Variants in SLC38A6 observed in about 807,000 individuals in gnomAD.
The protein encoded by SLC38A6 is solute carrier family 38 member 6.
Under a neutral mutation model 65.0 loss-of-function variants are expected in SLC38A6, and 73 were observed. The ratio of observed to expected loss-of-function variants is 1.12; its 90% CI spans 0.93 to 1.37. The LOEUF (loss-of-function observed/expected upper bound fraction) is 1.37, where lower values mean the gene tolerates loss of function less well. Ranked by LOEUF, SLC38A6 falls within the 40% of genes most tolerant of loss-of-function variation. The probability of loss-of-function intolerance (pLI) is 0.00; values close to 1 mark genes in which losing one functional copy is unlikely to be tolerated. For missense variants in SLC38A6, 561 were observed against 531.1 expected (o/e 1.06, Z -0.55); for synonymous variants, 183 against 178.8 (o/e 1.02, Z -0.19).
chr14:61,015,074 C>A (rs1211711896), intron 3 of SLC38A6, among the ~76,000 whole-genome samples: 1 of 152,204 alleles, frequency 6.6e-6, no homozygotes, highest in African/African-American at 2.4e-5. Flanking sequence ...ATTGAAGCCT[C>A]GGCAATGGCA....
intron 3 of SLC38A6, among the ~76,000 whole-genome samples, chr14:61,009,064 C>T (rs558331942): frequency 3.3e-5 from 5 of 152,190 alleles, no homozygotes; most frequent in East Asian, 1.9e-4. Flanking sequence ...AGACCATAAG[C>T]GTTCAAAAGT....
chr14:61,047,164 C>CA (rs1172485845), intron 12 of SLC38A6, among the ~76,000 whole-genome samples: 3 of 152,004 alleles, frequency 2.0e-5, no homozygotes, highest in Admixed American at 2.0e-4. Flanking sequence ...AGAAAAAGTC[C>CA]AAAAAAACTG....
intron 15 of SLC38A6, among the ~76,000 whole-genome samples, chr14:61,063,169 G>A (rs2042912858): frequency 6.6e-6 from 1 of 152,084 alleles, no homozygotes. Context: ...TTGATTCTTA[G>A]CTATGTTTTA....
exon 17 of SLC38A6, chr14:61,083,631 C>T (rs538691271): frequency 6.4e-7 from 1 of 1,550,440 alleles, no homozygotes; most frequent in South Asian, 1.2e-5. Flanking sequence ...GTTTACAAGC[C>T]AAGGGAAGAG....
chr14:61,024,751 AT>A (rs2040519349), intron 5 of SLC38A6, among the ~76,000 whole-genome samples: 1 of 152,198 alleles, frequency 6.6e-6, no homozygotes, highest in Non-Finnish European at 1.5e-5. Flanking sequence ...CTACATCCCA[AT>A]CATCTTCTTA....
intron 4 of SLC38A6, among the ~76,000 whole-genome samples, chr14:61,017,508 A>G (rs985122440): frequency 2.0e-5 from 3 of 152,174 alleles, no homozygotes; most frequent in East Asian, 1.9e-4. Flanking sequence ...GAGGATTAGG[A>G]TGTTTGGTGT....
chr14:61,052,281 C>A (rs923791869), intron 15 of SLC38A6, 68 bp from the exon 16 acceptor site: 59 of 1,364,302 alleles, frequency 4.3e-5, no homozygotes, highest in Middle Eastern at 4.4e-4. Flanking sequence ...AACAAATAAT[C>A]CAATTGTATT....
At chr14:61,036,422 A>G (rs1196799758) in intron 6 of SLC38A6, among the ~76,000 whole-genome samples, 2 of 151,280 alleles carry the variant, frequency 1.3e-5, no homozygotes, top group African/African-American at 4.9e-5. Flanking sequence ...GGAGGGGAAC[A>G]TCACAGACTG....
intron 6 of SLC38A6, among the ~76,000 whole-genome samples, chr14:61,032,886 G>A (rs1249593505): frequency 6.6e-6 from 1 of 151,808 alleles, no homozygotes; most frequent in Non-Finnish European, 1.5e-5. Context: ...TTTTAATTAA[G>A]ATCTTTCAGG....
At chr14:61,051,980 C>G in intron 14 of SLC38A6, 49 bp downstream of exon 14, 1 of 1,601,674 alleles carries the variant, frequency 6.2e-7, no homozygotes, top group Non-Finnish European at 8.5e-7. Flanking sequence ...GATAAAATTG[C>G]TACCCAGCCT....
At position 61,019,547 on chromosome 14, in the gene SLC38A6, G is replaced by T. The variant is rs201162425; in HGVS notation, c.370G>T (p.Val124Leu). The T allele has an allele frequency of 6.2e-7, 1 of 1,613,120 alleles. No homozygotes were observed. Among genetic ancestry groups the T allele is most frequent in the Non-Finnish European group, 8.5e-7 (1 of 1,179,422 alleles). ...TATTTCTGTTCTTTTACAGTTGGTG[G>T]TGGCAGGCACCATAATAATTCAGAA... Reference protein sequence around the residue: ...FAFGLPGKLVVAGTIIIQNIG... With the variant: ...FAFGLPGKLVLAGTIIIQNIG... Residue 124 changes from valine to leucine, a missense_variant, in exon 5 of 16, where the codon GTG (valine) becomes TTG (leucine). Coordinates refer to ENST00000267488, the MANE Select transcript of SLC38A6 (RefSeq NM_153811.3).
intron 3 of SLC38A6, among the ~76,000 whole-genome samples, chr14:61,006,825 A>G (rs1402786081): frequency 7.9e-5 from 12 of 152,178 alleles, no homozygotes; most frequent in Non-Finnish European, 8.8e-5. Flanking sequence ...ATTACTGGGT[A>G]TATACCCAAA....
chr14:61,083,534 C>T, intron 16 of SLC38A6: 1 of 1,547,436 alleles, frequency 6.5e-7, no homozygotes, highest in South Asian at 1.2e-5. Flanking sequence ...TTCAATGTGA[C>T]TGGTGTTCTT....
chr14:61,083,078 G>A (rs891721518), intron 16 of SLC38A6, among the ~76,000 whole-genome samples: 2 of 152,172 alleles, frequency 1.3e-5, no homozygotes, highest in African/African-American at 2.4e-5. Flanking sequence ...TTTGAGCTTG[G>A]CCCTCTACCA....
chr14:60,996,399 A>C (rs1256842727), intron 3 of SLC38A6, among the ~76,000 whole-genome samples: 1 of 152,164 alleles, frequency 6.6e-6, no homozygotes, highest in South Asian at 2.1e-4. Context: ...AATTAGTTCA[A>C]TTGTTGGGTT....
At chr14:61,001,164 G>C (rs533273859) in intron 3 of SLC38A6, among the ~76,000 whole-genome samples, 1 of 152,130 alleles carries the variant, frequency 6.6e-6, no homozygotes, top group Non-Finnish European at 1.5e-5. Flanking sequence ...TGTCACAGCC[G>C]GGGATTGGGG....
rs546011202 is a variant in SLC38A6, at chr14:61,047,567, T to C, written c.925+1400T>C. 2.0e-5 allele frequency among the ~76,000 whole-genome samples: 3 copies of C among 152,256 alleles called. No homozygotes were observed. The East Asian group carries it at 5.8e-4, about 29-fold the overall frequency. The stretch of plus-strand genomic sequence containing the variant: ...TATTACTGTGTTGTCTACTCAGAAA[T>C]TGTGCTATAGAAGCCAGATTTCCTT... On this transcript the variant is annotated intron_variant, in intron 12 of 15. Coordinates refer to ENST00000267488, the MANE Select transcript of SLC38A6 (RefSeq NM_153811.3).
chr14:61,033,573 T>C (rs922105943), intron 6 of SLC38A6, among the ~76,000 whole-genome samples: 1 of 152,144 alleles, frequency 6.6e-6, no homozygotes, highest in African/African-American at 2.4e-5. Flanking sequence ...AATAAATGTA[T>C]TTAATATGTA....
intron 3 of SLC38A6, among the ~76,000 whole-genome samples, chr14:61,012,390 T>G (rs111875597): frequency 6.6e-6 from 1 of 152,186 alleles, no homozygotes; most frequent in Non-Finnish European, 1.5e-5. Context: ...TTCCTTCAGT[T>G]CTGCTCTGAT....
Sources: gnomAD v4.1 joint callset for allele counts (sites outside exome capture counted in the v4.1 genomes callset) on GRCh38, gnomAD v4.1.1 for gene constraint, MANE v1.5 for transcripts, NCBI Gene and HGNC (gene_info 2026-07-23, HGNC 2026-07-21) for gene names.